The following ECD variants were observed in gnomAD, a reference collection of about 807,000 sequenced individuals.
The protein encoded by ECD is ecdysoneless cell cycle regulator, also known as protein ecdysoneless homolog.
A neutral mutation model predicts 77.2 loss-of-function variants in ECD; 59 were observed. The ratio of observed to expected loss-of-function variants is 0.76; its 90% CI spans 0.62 to 0.95. The LOEUF (loss-of-function observed/expected upper bound fraction) is 0.95. Ranked by LOEUF, ECD falls within the 40% of genes least tolerant of loss-of-function variation. The pLI is 0.00. For missense variants in ECD, 704 were observed against 763.4 expected (o/e 0.92, Z 0.92); for synonymous variants, 233 against 267.4 (o/e 0.87, Z 1.26).
At chr10:73,138,850 C>T (rs547684206) in intron 11 of ECD, among the ~76,000 whole-genome samples, 15 of 152,320 alleles carry the variant, frequency 9.8e-5, no homozygotes, top group African/African-American at 3.6e-4. Context: ...CAGGCATGAG[C>T]CACCGCGCCC....
chr10:73,146,209 T>A (rs1023900704), intron 9 of ECD, 67 bp downstream of exon 9: 20 of 764,484 alleles, frequency 2.6e-5, no homozygotes, highest in Admixed American at 2.0e-4. Context: ...TAATAAATAA[T>A]AAATAAAAAA....
At chr10:73,156,738 C>T in intron 3 of ECD, 83 bp from the exon 4 acceptor site, 1 of 1,294,690 alleles carries the variant, frequency 7.7e-7, no homozygotes. Context: ...AATACATTTT[C>T]CTCTTCATCT....
intron 5 of ECD, among the ~76,000 whole-genome samples, chr10:73,155,103 C>T (rs893860093): frequency 3.3e-5 from 5 of 152,084 alleles, no homozygotes; most frequent in Admixed American, 6.5e-5. Context: ...GGCTGGAGTG[C>T]AGTGGTGCAA....
chr10:73,143,702 CTA>C (rs1438145372), intron 9 of ECD, among the ~76,000 whole-genome samples: 1 of 151,558 alleles, frequency 6.6e-6, no homozygotes, highest in African/African-American at 2.4e-5. Flanking sequence ...CAATTACACT[CTA>C]TGTTAAATGT....
chr10:73,147,670 AAAGATTATTCAAAGTG>A (rs1843147504), intron 8 of ECD, among the ~76,000 whole-genome samples: 2 of 152,166 alleles, frequency 1.3e-5, no homozygotes, highest in Admixed American at 1.3e-4. Flanking sequence ...TTTCCTTTAA[AAAGATTATTCAAAGTG>A]AAGGTTCCAA....
At chr10:73,139,851 T>G in intron 9 of ECD, 114 bp from the exon 10 acceptor site, 7 of 354,282 alleles carry the variant, frequency 2.0e-5, no homozygotes, top group East Asian at 5.5e-5. Context: ...TGGGGAGTGT[T>G]TTTTTTTTTT....
rs1158200228 is a variant in ECD at position 73,136,701 on chromosome 10, T to C, written c.1704+3A>G. 2 of 1,612,462 alleles carry C rather than the reference T, an allele frequency of 1.2e-6. No homozygotes were observed. The highest frequency in any genetic ancestry group is 1.7e-6 in the Non-Finnish European group (2 of 1,178,674). On this transcript the variant is annotated splice_donor_region_variant and intron_variant, in intron 13 of 13. Transcript: ENST00000372979. ...AAGAGAAAGAGGTTAAAAACACACATACCACTTGGTTCCTAGTGGTGAAAC... is the reference window on the plus strand; with the variant it reads ...AAGAGAAAGAGGTTAAAAACACACACACCACTTGGTTCCTAGTGGTGAAAC...
In ECD at chr10:73,135,206, G is replaced by A. The variant is rs181380234; in HGVS notation, c.1705-393C>T. On this transcript the variant is annotated intron_variant, in intron 13 of 13. Coordinates refer to ENST00000372979, the MANE Select transcript of ECD (RefSeq NM_007265.3). Reference sequence around the variant, plus strand: ...AAATTTTCTTCAAAATGAAAGAAGCGAGTGTTCCTTTCTTTCCCCCCAGTG... The same window carrying A: ...AAATTTTCTTCAAAATGAAAGAAGCAAGTGTTCCTTTCTTTCCCCCCAGTG... Among the ~76,000 whole-genome samples the A allele has an allele frequency of 6.4e-4, 97 of 152,226 alleles. No individual in the cohort carries two copies. In the East Asian group the frequency reaches 9.7e-3, roughly 15 times the overall value.
Position 73,134,383 on chromosome 10 carries a change from G to T in ECD, c.*200C>A. On this transcript the variant is annotated 3_prime_UTR_variant, in exon 14 of 14. Coordinates refer to ENST00000372979, the MANE Select transcript of ECD (RefSeq NM_007265.3). Reference sequence around the variant, plus strand: ...TAGGGGCTAGATTCTACCCTGCCGAGTTCAAAACCTGTGTATAACCCACAG... The same window carrying T: ...TAGGGGCTAGATTCTACCCTGCCGATTTCAAAACCTGTGTATAACCCACAG... 1.7e-6 allele frequency: 1 copy of T among 575,848 alleles called. No individual in the cohort carries two copies. Among genetic ancestry groups the T allele is most frequent in the Non-Finnish European group, 3.1e-6 (1 of 327,118 alleles). 35.7% of individuals were successfully genotyped at this position (575,848 alleles called of 1,614,324 possible). A position where few individuals can be genotyped will look rare whatever the true frequency, so the allele number is the denominator to read the frequency against.
In ECD at chr10:73,156,618, C is replaced by T; in HGVS notation, c.361G>A (p.Ala121Thr). The T allele has an allele frequency of 6.2e-7, 1 of 1,613,910 alleles. No individual in the cohort carries two copies. Among genetic ancestry groups the T allele is most frequent in the South Asian group, 1.1e-5 (1 of 91,066 alleles). Reference protein sequence around the residue: ...DNDGEFLLIEAADFLPKWLDP... With the variant: ...DNDGEFLLIETADFLPKWLDP... ...AGCCATTTAGGGAGAAAGTCAGCAG[C>T]TTCTATTAACAAGAATTCACCATCA... Residue 121 changes from alanine (A) to threonine (T), a missense_variant, in exon 4 of 14, where the codon GCT becomes ACT. By Grantham distance (58) the Ala-to-Thr change is moderately conservative. Around this residue, in one of 3 missense-constraint regions of ECD, gnomAD observed 559 missense variants for 583.7 expected, o/e 0.96. Transcript: ENST00000372979.
chr10:73,139,748 T>A lies in ECD; in HGVS notation c.1128-11A>T. 3 of 1,528,470 alleles carry A rather than the reference T, an allele frequency of 2.0e-6. No homozygotes were observed. The highest frequency in any genetic ancestry group is 1.8e-6 in the Non-Finnish European group (2 of 1,118,440). 94.7% of individuals were successfully genotyped at this position (1,528,470 alleles called of 1,614,324 possible). ...CTCATAGCAAGAGAACTATGAAAAA[T>A]AAAAAACATGAGTATTTCTTCATAA... On this transcript the variant is annotated splice_polypyrimidine_tract_variant and intron_variant, in intron 9 of 13. Transcript: ENST00000372979.
chr10:73,136,672 C>G lies in ECD; in HGVS notation c.1704+32G>C, dbSNP rs1842976824. 3.1e-6 allele frequency: 5 copies of G among 1,599,138 alleles called. No individual in the cohort carries two copies. In the African/African-American group the frequency reaches 4.0e-5, roughly 13 times the overall value. On this transcript the variant is annotated intron_variant, in intron 13 of 13. Transcript: ENST00000372979. ...TTTTAGCTATCTGACATACTAGACT[C>G]AGAAAGAGAAAGAGGTTAAAAACAC...
intron 8 of ECD, 112 bp downstream of exon 8, chr10:73,148,164 T>C: frequency 7.3e-7 from 1 of 1,362,722 alleles, no homozygotes; most frequent in Non-Finnish European, 9.8e-7. Context: ...CTCCTTTAAG[T>C]CTAGCTTCCA....
chr10:73,151,381 G>A (rs1397719346), intron 7 of ECD, among the ~76,000 whole-genome samples: 3 of 118,514 alleles, frequency 2.5e-5, no homozygotes, highest in Non-Finnish European at 5.1e-5. Context: ...CTGTTGTGGG[G>A]TGGGGGGAGG....
intron 8 of ECD, among the ~76,000 whole-genome samples, chr10:73,147,301 A>C (rs1843143291): frequency 6.6e-6 from 1 of 152,188 alleles, no homozygotes; most frequent in Non-Finnish European, 1.5e-5. Flanking sequence ...TAATCCCAGC[A>C]CTTTGGGAGG....
chr10:73,145,263 C>A (rs917381224), intron 9 of ECD, among the ~76,000 whole-genome samples: 14 of 152,004 alleles, frequency 9.2e-5, no homozygotes, highest in African/African-American at 3.4e-4. Context: ...ACTTGGGAGG[C>A]TGAGGCAGAA....
At position 73,136,326 on chromosome 10, in the gene ECD, A is replaced by G. The variant is rs1334931606; in HGVS notation, c.1704+378T>C. 4.6e-5 allele frequency among the ~76,000 whole-genome samples: 7 copies of G among 152,222 alleles called. No homozygotes were observed. The East Asian group carries it at 1.3e-3, about 29-fold the overall frequency. ...ATTTTGTTTTAATCCACTGTGGCCC[A>G]AGGCATAGTCTCAAAAGGTCTTGAG... On this transcript the variant is annotated intron_variant, in intron 13 of 13. Transcript: ENST00000372979.
At chr10:73,165,972 C>A (rs1843453261) in intron 1 of ECD, among the ~76,000 whole-genome samples, 1 of 152,102 alleles carries the variant, frequency 6.6e-6, no homozygotes, top group Non-Finnish European at 1.5e-5. Flanking sequence ...CCCTCTGCAA[C>A]CCTTCCCAGC....
intron 3 of ECD, 41 bp downstream of exon 3, chr10:73,160,393 G>T: frequency 7.5e-7 from 1 of 1,341,086 alleles, no homozygotes; most frequent in Non-Finnish European, 1.0e-6. Flanking sequence ...CTTTGTTTCA[G>T]TAATAGAATT....
Sources: allele counts gnomAD v4.1 joint callset (sites outside exome capture counted in the v4.1 genomes callset), GRCh38; gene constraint gnomAD v4.1.1; regional missense constraint gnomAD v4.1.1; transcripts MANE v1.5; gene names NCBI Gene and HGNC (gene_info 2026-07-23, HGNC 2026-07-21).